Variants in MAP3K4 observed in about 807,000 individuals in gnomAD.
MAP3K4 encodes MAP three kinase 1.
Under a neutral mutation model 185.6 loss-of-function variants are expected in MAP3K4, and 67 were observed. The ratio of observed to expected loss-of-function variants is 0.36; its 90% CI spans 0.30 to 0.44. The LOEUF is 0.44. Ranked by LOEUF, MAP3K4 falls within the 20% of genes least tolerant of loss-of-function variation. The probability of loss-of-function intolerance (pLI) is 1.00; values close to 1 mark genes in which losing one functional copy is unlikely to be tolerated. For missense variants in MAP3K4, 1,551 were observed against 1,995.1 expected (o/e 0.78, Z 4.24); for synonymous variants, 702 against 710.4 (o/e 0.99, Z 0.19).
chr6:161,081,047 C>G lies in MAP3K4; in HGVS notation c.2255+9C>G. On this transcript the variant is annotated intron_variant, in intron 6 of 26. Coordinates refer to ENST00000392142, the MANE Select transcript of MAP3K4 (RefSeq NM_005922.4). ...GCCGGGAAGCTTTTCTGGTAGGAAT[C>G]CTTGTGCTTCTGAACGCGACGCTCC... is the stretch of plus-strand genomic sequence containing the variant. 3 of 1,613,190 alleles carry G rather than the reference C, an allele frequency of 1.9e-6. No homozygotes were observed. Among genetic ancestry groups the G allele is most frequent in the Non-Finnish European group, 2.5e-6 (3 of 1,179,642 alleles).
rs1781002683 is a variant in MAP3K4, at chr6:160,996,515, T to C, written c.152+4432T>C. ...AATAATTCCTCATTCCTCATGACTA[T>C]GATTTTACTCATAGCATTCTATTGT... On this transcript the variant is annotated intron_variant, in intron 1 of 26. Transcript: ENST00000392142. The surrounding 1 kb of genome is among the most constrained non-coding windows in gnomAD (Gnocchi z 4.5). Among the ~76,000 whole-genome samples, 1 of 152,226 alleles carries C rather than the reference T, an allele frequency of 6.6e-6. No individual in the cohort carries two copies. The highest frequency in any genetic ancestry group is 2.4e-5 in the African/African-American group (1 of 41,456).
chr6:161,033,650 G>C (rs753610918), intron 1 of MAP3K4, among the ~76,000 whole-genome samples: 24 of 152,080 alleles, frequency 1.6e-4, no homozygotes, highest in Non-Finnish European at 2.9e-4. Flanking sequence ...AAGTGGTTCA[G>C]TGGTATTAAA....
rs1161516487 is a variant in MAP3K4, at chr6:161,086,680, A to G, written c.2556+13A>G. 1.1e-5 allele frequency: 17 copies of G among 1,599,246 alleles called. No homozygotes were observed. Among genetic ancestry groups the G allele is most frequent in the East Asian group, 2.2e-5 (1 of 44,816 alleles). On this transcript the variant is annotated intron_variant, in intron 9 of 26. Transcript: ENST00000392142. This position sits in a 1 kb window ranked among gnomAD's most constrained non-coding sequence, Gnocchi z 4.8. The stretch of plus-strand genomic sequence containing the variant: ...ACAGTATGTCAAGGTAAGTACTTCA[A>G]ATGTTGTGATTGAAACATTTTGCCT...
intron 1 of MAP3K4, among the ~76,000 whole-genome samples, chr6:161,001,676 G>T (rs1781328222): frequency 6.6e-6 from 1 of 152,206 alleles, no homozygotes; most frequent in Non-Finnish European, 1.5e-5. Context: ...AGGAGGCAGA[G>T]CATAGGTTTT....
intron 1 of MAP3K4, among the ~76,000 whole-genome samples, chr6:161,012,068 G>C (rs1000021181): frequency 6.6e-6 from 1 of 152,126 alleles, no homozygotes. Flanking sequence ...CACGCATTTC[G>C]AGTCCACATT....
rs1471292138 is a variant in MAP3K4 at position 161,097,902 on chromosome 6, C to A, written c.3525-376C>A. Reference sequence around the variant, plus strand: ...CAGGAGAACAGCCTGGGCAACGTAGCAAAACATCATCTCTACAAAAAATAC... The same window carrying A: ...CAGGAGAACAGCCTGGGCAACGTAGAAAAACATCATCTCTACAAAAAATAC... On this transcript the variant is annotated intron_variant, in intron 16 of 26. Coordinates refer to ENST00000392142, the MANE Select transcript of MAP3K4 (RefSeq NM_005922.4). The surrounding 1 kb of genome is among the most constrained non-coding windows in gnomAD (Gnocchi z 4.9). 6.6e-6 allele frequency among the ~76,000 whole-genome samples: 1 copy of A among 151,520 alleles called. No individual in the cohort carries two copies.
chr6:161,096,121 G>T lies in MAP3K4; in HGVS notation c.3428-959G>T, dbSNP rs1402079838. Among the ~76,000 whole-genome samples the T allele has an allele frequency of 1.3e-5, 2 of 152,002 alleles. No homozygotes were observed. Among genetic ancestry groups the T allele is most frequent in the East Asian group, 1.9e-4 (1 of 5,186 alleles). On this transcript the variant is annotated intron_variant, in intron 15 of 26. Transcript: ENST00000392142. The surrounding 1 kb of genome is among the most constrained non-coding windows in gnomAD (Gnocchi z 4.9). ...AATCAGAGACACAAATTGCCTGAGG[G>T]TTTTTTGTTAACAATCCCTTAAGTT...
rs1340563534 is a variant in MAP3K4, at chr6:161,071,532, A to G, written c.1950+682A>G. On this transcript the variant is annotated intron_variant, in intron 4 of 26. Coordinates refer to ENST00000392142, the MANE Select transcript of MAP3K4 (RefSeq NM_005922.4). The surrounding 1 kb of genome is among the most constrained non-coding windows in gnomAD (Gnocchi z 4.6). ...TACGTGTCTATCCCATAGGGATTGG[A>G]GGGCTAAGAGCTACCCGGCTCTGTG... 6.6e-6 allele frequency among the ~76,000 whole-genome samples: 1 copy of G among 152,210 alleles called. No individual in the cohort carries two copies. Among genetic ancestry groups the G allele is most frequent in the Non-Finnish European group, 1.5e-5 (1 of 68,038 alleles).
At chr6:161,113,734 C>T (rs936439496) in intron 25 of MAP3K4, among the ~76,000 whole-genome samples, 1 of 149,644 alleles carries the variant, frequency 6.7e-6, no homozygotes, top group East Asian at 1.9e-4. Context: ...GCCTCATTAA[C>T]CAGAATTATA....
chr6:161,085,112 C>G (rs1385129574), intron 7 of MAP3K4, among the ~76,000 whole-genome samples: 3 of 150,614 alleles, frequency 2.0e-5, no homozygotes, highest in Non-Finnish European at 2.9e-5. Context: ...TGCCACTGCA[C>G]TCCAGCCTGG....
chr6:161,056,391 G>A lies in MAP3K4; in HGVS notation c.1707+6412G>A, dbSNP rs80224581. 0.023 allele frequency among the ~76,000 whole-genome samples: 3,467 copies of A among 152,198 alleles called. 148 individuals carry two copies. The highest frequency in any genetic ancestry group is 0.079 in the African/African-American group (3,285 of 41,496). ...GCCTTCTCAGTGATAGAATTAGAAC[G>A]TACAGGTATGTCTTCTAACCTGTGT... is the stretch of plus-strand genomic sequence containing the variant. On this transcript the variant is annotated intron_variant, in intron 3 of 26. Coordinates refer to ENST00000392142, the MANE Select transcript of MAP3K4 (RefSeq NM_005922.4). The surrounding 1 kb of genome is among the most constrained non-coding windows in gnomAD (Gnocchi z 5.4).
intron 17 of MAP3K4, among the ~76,000 whole-genome samples, chr6:161,099,203 A>G (rs1056581666): frequency 1.3e-5 from 2 of 152,228 alleles, no homozygotes; most frequent in Non-Finnish European, 2.9e-5. Context: ...GATTGGGGGT[A>G]TGTGATCTAA....
chr6:161,077,880 T>TA lies in MAP3K4; in HGVS notation c.2098-3000dup. 6.6e-6 allele frequency among the ~76,000 whole-genome samples: 1 copy of TA among 152,140 alleles called. No homozygotes were observed. The highest frequency in any genetic ancestry group is 6.5e-5 in the Admixed American group (1 of 15,268). On this transcript the variant is annotated intron_variant, in intron 5 of 26. Coordinates refer to ENST00000392142, the MANE Select transcript of MAP3K4 (RefSeq NM_005922.4). This position sits in a 1 kb window ranked among gnomAD's most constrained non-coding sequence, Gnocchi z 4.3. ...GGGAAAGAGATGGGAAAAAAATATA[T>TA]ATATGTATTAATATGTATATACGAG...
intron 1 of MAP3K4, among the ~76,000 whole-genome samples, chr6:160,998,925 G>A (rs1781139303): frequency 6.6e-6 from 1 of 152,168 alleles, no homozygotes; most frequent in Non-Finnish European, 1.5e-5. Context: ...GCAACATGAA[G>A]TTTTGTTTTT....
rs1422422345 is a variant in MAP3K4, at chr6:161,056,788, T to C, written c.1707+6809T>C. Among the ~76,000 whole-genome samples, 1 of 152,206 alleles carries C rather than the reference T, an allele frequency of 6.6e-6. No homozygotes were observed. Among genetic ancestry groups the C allele is most frequent in the Non-Finnish European group, 1.5e-5 (1 of 68,016 alleles). ...TCCTCAGTGAGGTGGTATCATACTT[T>C]TGTAATTTAATTAGATTCATTTATT... On this transcript the variant is annotated intron_variant, in intron 3 of 26. Transcript: ENST00000392142. This position sits in a 1 kb window ranked among gnomAD's most constrained non-coding sequence, Gnocchi z 5.4.
intron 2 of MAP3K4, among the ~76,000 whole-genome samples, chr6:161,046,047 GT>G (rs1160885131): frequency 1.3e-5 from 2 of 151,918 alleles, no homozygotes; most frequent in African/African-American, 4.8e-5. Flanking sequence ...CAACATGTGT[GT>G]TTTTTTAGTT....
rs777218895 is a variant in MAP3K4 at position 161,107,261 on chromosome 6, A to G, written c.4048+556A>G. Among the ~76,000 whole-genome samples, 1 of 152,174 alleles carries G rather than the reference A, an allele frequency of 6.6e-6. No homozygotes were observed. Among genetic ancestry groups the G allele is most frequent in the Non-Finnish European group, 1.5e-5 (1 of 68,032 alleles). Reference sequence around the variant, plus strand: ...CCCCACTTAAATATATTTATCTGTCACACATCTAGGTCTGAAGGGGGCGAA... The same window carrying G: ...CCCCACTTAAATATATTTATCTGTCGCACATCTAGGTCTGAAGGGGGCGAA... On this transcript the variant is annotated intron_variant, in intron 20 of 26. Coordinates refer to ENST00000392142, the MANE Select transcript of MAP3K4 (RefSeq NM_005922.4). This position sits in a 1 kb window ranked among gnomAD's most constrained non-coding sequence, Gnocchi z 6.2.
intron 2 of MAP3K4, among the ~76,000 whole-genome samples, chr6:161,047,508 A>ATGT (rs1338842844): frequency 6.6e-6 from 1 of 152,204 alleles, no homozygotes; most frequent in African/African-American, 2.4e-5. Context: ...AATGTATGAA[A>ATGT]AAATGTGTGT....
At chr6:161,029,705 G>A (rs749846951) in intron 1 of MAP3K4, among the ~76,000 whole-genome samples, 7 of 152,138 alleles carry the variant, frequency 4.6e-5, no homozygotes, top group Non-Finnish European at 8.8e-5. Flanking sequence ...TTCTGAACTG[G>A]TCGGCTGACC....
Sources: allele counts gnomAD v4.1 joint callset (sites outside exome capture counted in the v4.1 genomes callset), GRCh38; gene constraint gnomAD v4.1.1; non-coding constraint Gnocchi (gnomAD v3.1); transcripts MANE v1.5; gene names NCBI Gene and HGNC (gene_info 2026-07-23, HGNC 2026-07-21).